Variants in CAST observed in about 807,000 individuals in gnomAD.
The protein encoded by CAST is MIR583 host.
A neutral mutation model predicts 119.6 loss-of-function variants in CAST; 76 were observed. The observed-to-expected ratio is 0.64, with a 90% CI of 0.53 to 0.77. The LOEUF (loss-of-function observed/expected upper bound fraction) is 0.77, where lower values mean the gene tolerates loss of function less well. Among genes scored for constraint, CAST ranks in the 30% least tolerant of loss-of-function variants. The probability of loss-of-function intolerance (pLI) is 0.00; values close to 1 mark genes in which losing one functional copy is unlikely to be tolerated. For synonymous variants in CAST, 319 were observed against 331.6 expected, an observed-to-expected ratio of 0.96 and a Z score of 0.41; for missense variants, 953 against 946.5, an observed-to-expected ratio of 1.01 and a Z score of -0.09.
the CAST span, among the ~76,000 whole-genome samples, chr5:95,974,059 A>G: frequency 6.6e-6 from 1 of 151,846 alleles, no homozygotes; most frequent in Admixed American, 6.6e-5. Flanking sequence ...ACCAAAAACC[A>G]TCTACTGACC....
intron 1 of CAST, among the ~76,000 whole-genome samples, chr5:96,650,371 G>C (rs1748075679): frequency 6.6e-6 from 1 of 152,172 alleles, no homozygotes; most frequent in Admixed American, 6.5e-5. Flanking sequence ...CTGCTTTGGG[G>C]AGCTGCTGGG....
chr5:96,720,508 C>G (rs979026141), intron 3 of CAST, among the ~76,000 whole-genome samples: 3 of 152,212 alleles, frequency 2.0e-5, no homozygotes, highest in Non-Finnish European at 4.4e-5. Context: ...CTTCCAGCTC[C>G]CATGAAGCAG....
At chr5:96,415,759 C>T in the CAST span, among the ~76,000 whole-genome samples, 1 of 152,168 alleles carries the variant, frequency 6.6e-6, no homozygotes, top group East Asian at 1.9e-4. Flanking sequence ...TAAATCAGAA[C>T]ATAGAGAAAA....
the CAST span, among the ~76,000 whole-genome samples, chr5:96,340,266 C>A: frequency 6.6e-6 from 1 of 152,136 alleles, no homozygotes; most frequent in Admixed American, 6.6e-5. Context: ...TCTCTAGAAG[C>A]CTCTGGCAAA....
intron 1 of CAST, among the ~76,000 whole-genome samples, chr5:96,547,704 C>G (rs761822475): frequency 6.6e-6 from 1 of 152,148 alleles, no homozygotes; most frequent in Non-Finnish European, 1.5e-5. Flanking sequence ...ATTAAGTTTG[C>G]GATAGTCCAC....
chr5:96,327,534 G>A, the CAST span, among the ~76,000 whole-genome samples: 129,102 of 152,214 alleles, frequency 0.85, 55,364 homozygotes, highest in Non-Finnish European at 0.92. Context: ...ATTTTAGGAC[G>A]TTAATTCTCT....
At chr5:96,540,686 A>G (rs955145793) in intron 1 of CAST, among the ~76,000 whole-genome samples, 15 of 152,200 alleles carry the variant, frequency 9.9e-5, no homozygotes, top group African/African-American at 3.1e-4. Flanking sequence ...TTGATACTAC[A>G]TAACTTGTGG....
At chr5:96,254,274 TTTC>T in the CAST span, among the ~76,000 whole-genome samples, 4 of 152,082 alleles carry the variant, frequency 2.6e-5, no homozygotes, top group African/African-American at 9.7e-5. Context: ...CCATATATAT[TTTC>T]TTCTTCTAGT....
the CAST span, among the ~76,000 whole-genome samples, chr5:96,347,121 G>A: frequency 1.1e-4 from 16 of 152,106 alleles, no homozygotes; most frequent in East Asian, 1.9e-4. Context: ...TTGAATATCC[G>A]TGACTATTCT....
the CAST span, among the ~76,000 whole-genome samples, chr5:96,136,734 C>T: frequency 6.6e-6 from 1 of 152,298 alleles, no homozygotes; most frequent in South Asian, 2.1e-4. Flanking sequence ...TCTTGCTCAT[C>T]TGTAATCTCC....
chr5:96,286,303 C>T, the CAST span, among the ~76,000 whole-genome samples: 1 of 152,168 alleles, frequency 6.6e-6, no homozygotes, highest in Non-Finnish European at 1.5e-5. Flanking sequence ...AGGTAGCTGA[C>T]CTATAGAAAT....
intron 1 of CAST, among the ~76,000 whole-genome samples, chr5:96,664,291 C>T (rs74686348): frequency 0.032 from 4,787 of 151,188 alleles, 256 homozygotes; most frequent in African/African-American, 0.11. Flanking sequence ...TGTATATTTA[C>T]AGTGTGTGTG....
chr5:96,266,287 T>C, the CAST span, among the ~76,000 whole-genome samples: 1 of 152,118 alleles, frequency 6.6e-6, no homozygotes, highest in Non-Finnish European at 1.5e-5. Context: ...GTTTCCACAC[T>C]AGTAAAAGTG....
intron 1 of CAST, among the ~76,000 whole-genome samples, chr5:96,611,699 C>G (rs567797805): frequency 6.6e-6 from 1 of 152,210 alleles, no homozygotes; most frequent in South Asian, 2.1e-4. Flanking sequence ...TATTTACAAA[C>G]TATACATCTG....
chr5:96,366,342 T>G, the CAST span, among the ~76,000 whole-genome samples: 1 of 152,216 alleles, frequency 6.6e-6, no homozygotes, highest in Non-Finnish European at 1.5e-5. Context: ...CTTTGTGGCA[T>G]TCTCTGTATT....
At chr5:96,390,900 C>G in the CAST span, 2 of 152,590 alleles carry the variant, frequency 1.3e-5, no homozygotes, top group African/African-American at 4.8e-5. Context: ...TGGCTACAAC[C>G]CAATGAGTTG....
At chr5:95,961,638 G>A in the CAST span, 13 of 1,610,228 alleles carry the variant, frequency 8.1e-6, no homozygotes, top group Admixed American at 1.7e-5. Flanking sequence ...CATGCAGTAC[G>A]GTGATGTTGT....
the CAST span, among the ~76,000 whole-genome samples, chr5:95,995,982 C>T: frequency 6.6e-6 from 1 of 152,140 alleles, no homozygotes; most frequent in African/African-American, 2.4e-5. Context: ...CATATGACAT[C>T]ATAGCAGCTC....
intron 1 of CAST, among the ~76,000 whole-genome samples, chr5:96,672,706 C>CAAAAAAAAAA: frequency 1.7e-5 from 1 of 59,158 alleles, no homozygotes; most frequent in Non-Finnish European, 3.3e-5. Flanking sequence ...GACTCAGTCT[C>CAAAAAAAAAA]AAAAAAAAAA....
Sources: allele counts gnomAD v4.1 joint callset (sites outside exome capture counted in the v4.1 genomes callset), GRCh38; gene constraint gnomAD v4.1.1; transcripts MANE v1.5; gene names NCBI Gene and HGNC (gene_info 2026-07-23, HGNC 2026-07-21).